RASAL3: variants seen among roughly 807,000 people sequenced by gnomAD.
RASAL3 encodes the protein RAS protein activator like 3, also known as RAS protein activator like-3.
A neutral mutation model predicts 105.5 loss-of-function variants in RASAL3; 74 were observed. The observed-to-expected ratio is 0.70, with a 90% CI of 0.58 to 0.85. The LOEUF is 0.85. Ranked by LOEUF, RASAL3 falls within the 40% of genes least tolerant of loss-of-function variation. RASAL3 has a pLI of 0.00. For synonymous variants in RASAL3, 579 were observed against 591.6 expected (o/e 0.98, Z 0.31); for missense variants, 1,352 against 1,392.0 (o/e 0.97, Z 0.46).
At chr19:15,460,332 A>G (rs1043356844) in intron 5 of RASAL3, 74 bp from the exon 6 acceptor site, 14 of 1,436,378 alleles carry the variant, frequency 9.7e-6, no homozygotes, top group African/African-American at 8.5e-5. Context: ...AAGACATCCC[A>G]GAGGATCTAC....
intron 1 of RASAL3, 63 bp downstream of exon 1, chr19:15,464,442 C>T: frequency 7.6e-7 from 1 of 1,313,244 alleles, no homozygotes. Context: ...ATCTCGGCCC[C>T]CTCCCCACCC....
chr19:15,463,945 T>C, intron 2 of RASAL3, 86 bp downstream of exon 2: 1 of 1,255,798 alleles, frequency 8.0e-7, no homozygotes, highest in Non-Finnish European at 1.1e-6. Flanking sequence ...TTCCTGTGTC[T>C]GTATGGTTGA....
At chr19:15,452,394 G>A (rs1970177771) in intron 16 of RASAL3, 1 of 592,894 alleles carries the variant, frequency 1.7e-6, no homozygotes. Context: ...CTCAGTGCCC[G>A]GCCCAGCCAG....
intron 6 of RASAL3, among the ~76,000 whole-genome samples, chr19:15,459,752 G>A (rs1448786539): frequency 6.6e-6 from 1 of 152,136 alleles, no homozygotes; most frequent in Non-Finnish European, 1.5e-5. Context: ...GCCCAGGCTG[G>A]TCTCGAACTC....
Position 15,461,542 on chromosome 19 carries a change from C to A in RASAL3, c.394G>T (p.Val132Leu). 6.5e-7 allele frequency: 1 copy of A among 1,535,858 alleles called. No individual in the cohort carries two copies. Among genetic ancestry groups the A allele is most frequent in the Non-Finnish European group, 8.7e-7 (1 of 1,144,282 alleles). Residue 132 changes from valine (V) to leucine (L), a missense_variant, in exon 3 of 18, where the codon GTG becomes TTG. Val to Leu is a conservative substitution (Grantham distance 32). Around this residue, in one of 3 missense-constraint regions of RASAL3, gnomAD observed 344 missense variants for 339.6 expected, o/e 1.01. Coordinates refer to ENST00000343625, the MANE Select transcript of RASAL3 (RefSeq NM_022904.3). ...AAGCCCCCAATGTCCCAGACAGGCA[C>A]GTTGGGTGTGGGGGCCTCAGGGATC... ...PQIPEAPTPNVPVWDIGGFTL... is the reference protein window; with the variant it reads ...PQIPEAPTPNLPVWDIGGFTL...
In RASAL3 at chr19:15,452,693, G is replaced by A; in HGVS notation, c.2793C>T (p.Gly931=). 1 of 1,551,612 alleles carries A rather than the reference G, an allele frequency of 6.4e-7. No individual in the cohort carries two copies. Among genetic ancestry groups the A allele is most frequent in the Non-Finnish European group, 8.7e-7 (1 of 1,147,448 alleles). Residue 931 remains glycine, a synonymous_variant, in exon 16 of 18, where the codon GGC becomes GGT. Coordinates refer to ENST00000343625, the MANE Select transcript of RASAL3 (RefSeq NM_022904.3). The part of the protein sequence containing the change: ...ALTEQQEQLR[G]QLQDLDSRLR... Reference sequence around the variant, plus strand: ...GCCTGGAGTCCAGATCCTGCAGCTGGCCCCGCAGCTGCTCCTGCTGCTCCG... The same window carrying A: ...GCCTGGAGTCCAGATCCTGCAGCTGACCCCGCAGCTGCTCCTGCTGCTCCG...
In RASAL3 at chr19:15,464,177, G is replaced by A. The variant is rs755529689; in HGVS notation, c.182C>T (p.Pro61Leu). The change falls in exon 2 of 18, where the codon CCA (proline) becomes CTA (leucine). Residue 61 changes from proline (P) to leucine (L), a missense_variant. Pro to Leu is a moderately conservative substitution (Grantham distance 98). Transcript: ENST00000343625. ...SHQEPMVSTQ[P>L]APRSIFRRVL... ...CCGACGGAATATCGAGCGAGGGGCTGGCTGGGTGCTGACCATGGGCTCCTG... is the reference window on the plus strand; with the variant it reads ...CCGACGGAATATCGAGCGAGGGGCTAGCTGGGTGCTGACCATGGGCTCCTG... 6.2e-6 allele frequency: 10 copies of A among 1,612,946 alleles called. No individual in the cohort carries two copies. The highest frequency in any genetic ancestry group is 7.6e-6 in the Non-Finnish European group (9 of 1,179,690).
Position 15,456,990 on chromosome 19 carries a change from T to C in RASAL3, c.1431+302A>G. On this transcript the variant is annotated intron_variant, in intron 9 of 17. Transcript: ENST00000343625. This position sits in a 1 kb window ranked among gnomAD's most constrained non-coding sequence, Gnocchi z 4.4. ...CACAGCTGAAGCTCAGGCCCAGTCC[T>C]TCAAGGTGCCCCGCCCCTTACAGGT... 1 of 441,460 alleles carries C rather than the reference T, an allele frequency of 2.3e-6. No individual in the cohort carries two copies. The highest frequency in any genetic ancestry group is 3.3e-5 in the South Asian group (1 of 30,664). The allele number at this position is 441,460 out of a possible 1,614,324, so 27.3% of individuals were successfully genotyped here. A position where few individuals can be genotyped will look rare whatever the true frequency, so the allele number is the denominator to read the frequency against.
intron 6 of RASAL3, among the ~76,000 whole-genome samples, chr19:15,458,985 C>T (rs138239138): frequency 1.1e-4 from 16 of 152,140 alleles, no homozygotes; most frequent in Middle Eastern, 3.4e-3. Context: ...TTGTTTAGTG[C>T]GGTGGCTGGA....
intron 15 of RASAL3, 62 bp from the exon 16 acceptor site, chr19:15,452,877 C>A (rs750763680): frequency 6.8e-7 from 1 of 1,479,438 alleles, no homozygotes; most frequent in Non-Finnish European, 9.0e-7. Context: ...CCCCGGAGAC[C>A]CTGACCTCCC....
In RASAL3 at chr19:15,460,277, C is replaced by T. The variant is rs778089027; in HGVS notation, c.607-19G>A. 2.8e-5 allele frequency: 45 copies of T among 1,599,820 alleles called. No homozygotes were observed. Among genetic ancestry groups the T allele is most frequent in the Admixed American group, 1.9e-4 (11 of 58,362 alleles). ...GCAACCCCTGTGGGGAAGGGAATGT[C>T]AGCTGGACAGAAATCTGTGCTCCTT... is the stretch of plus-strand genomic sequence containing the variant. On this transcript the variant is annotated intron_variant, in intron 5 of 17. Transcript: ENST00000343625.
rs757167959 is a variant in RASAL3, at chr19:15,458,648, T to TG, written c.669dup (p.Ser224GlnfsTer6). On this transcript the variant is annotated frameshift_variant, in exon 7 of 18. Coordinates refer to ENST00000343625, the MANE Select transcript of RASAL3 (RefSeq NM_022904.3). LOFTEE classifies it high-confidence loss of function. ...AGCGACTCCCTAGAGCCCAGAGCAC[T>TG]GGGGGGTCTGGGAAGGGGGTGGGTG... is the stretch of plus-strand genomic sequence containing the variant. 6 of 1,612,786 alleles carry TG rather than the reference T, an allele frequency of 3.7e-6. No individual in the cohort carries two copies. Among genetic ancestry groups the TG allele is most frequent in the East Asian group, 2.2e-5 (1 of 44,858 alleles).
Position 15,454,887 on chromosome 19 carries a change from G to A in RASAL3, c.1728C>T (p.Phe576=), listed in dbSNP as rs1400134223. The part of the protein sequence containing the change: ...FETIIHSYDW[F]PAELGIVFSS... ...AGAACACGATGCCCAGCTCCGCAGG[G>A]AACCAGCTGGTGCAGAAGAGGCAAT... Residue 576 remains phenylalanine (F), a synonymous_variant, in exon 12 of 18, where the codon TTC becomes TTT. Coordinates refer to ENST00000343625, the MANE Select transcript of RASAL3 (RefSeq NM_022904.3). 1 of 1,553,536 alleles carries A rather than the reference G, an allele frequency of 6.4e-7. No individual in the cohort carries two copies. The highest frequency in any genetic ancestry group is 1.9e-5 in the Admixed American group (1 of 51,394).
In RASAL3 at chr19:15,461,349, G is replaced by GGAT. The variant is rs1970503492; in HGVS notation, c.466-54_466-53insATC. On this transcript the variant is annotated intron_variant, in intron 3 of 17. Transcript: ENST00000343625. ...GAGAGGGGAGGCAGGCAGGCAGGCA[G>GGAT]GCAGGCAGACCGAGGGAGAGGCAGA... 1.5e-5 allele frequency: 23 copies of GGAT among 1,580,428 alleles called. No individual in the cohort carries two copies. The African/African-American group carries it at 2.3e-4, about 16-fold the overall frequency.
intron 3 of RASAL3, 80 bp from the exon 4 acceptor site, chr19:15,461,376 A>G (rs1029104947): frequency 6.6e-7 from 1 of 1,523,850 alleles, no homozygotes; most frequent in Non-Finnish European, 8.9e-7. Context: ...AGAGGCAGAC[A>G]CCTTCCCATT....
At chr19:15,454,017 A>T in intron 14 of RASAL3, 132 bp downstream of exon 14, 1 of 684,442 alleles carries the variant, frequency 1.5e-6, no homozygotes, top group Non-Finnish European at 2.5e-6. Flanking sequence ...AACCCTTTCT[A>T]TAACCTGTGA....
Position 15,460,247 on chromosome 19 carries a change from C to G in RASAL3, c.618G>C (p.Lys206Asn). ...TGGCCTTTTTCTTCTCTTTCAGCCT[C>G]TTGAGCAACCCCTGTGGGGAAGGGA... ...NQVHNVRGLL[K>N]RLKEKKKARL... is the part of the protein sequence containing the mutation. The change falls in exon 6 of 18, where the codon AAG becomes AAC. Residue 206 changes from lysine (K) to asparagine (N), a missense_variant. Transcript: ENST00000343625. 6.2e-7 allele frequency: 1 copy of G among 1,608,598 alleles called. No individual in the cohort carries two copies. The highest frequency in any genetic ancestry group is 8.5e-7 in the Non-Finnish European group (1 of 1,177,584).
At position 15,453,210 on chromosome 19, in the gene RASAL3, TC is replaced by T; in HGVS notation, c.2566del (p.Asp856ThrfsTer33). On this transcript the variant is annotated frameshift_variant, in exon 15 of 18. Transcript: ENST00000343625. LOFTEE classifies it high-confidence loss of function. The surrounding 1 kb of genome is among the most constrained non-coding windows in gnomAD (Gnocchi z 4.2). ...CGGCTTCCGAGGCAGCGAGGCGGAG[TC>T]CCGGGTCCAAGGCCGGGCGCGGGGC... ...PAPRARPWTR[D>X]SASLPRKPSV... is the part of the protein sequence containing the mutation. 6.2e-7 allele frequency: 1 copy of T among 1,609,410 alleles called. No individual in the cohort carries two copies. Among genetic ancestry groups the T allele is most frequent in the Non-Finnish European group, 8.5e-7 (1 of 1,178,396 alleles).
At chr19:15,452,616 G>A (rs1970190875) in intron 16 of RASAL3, 42 bp downstream of exon 16, 1 of 1,462,436 alleles carries the variant, frequency 6.8e-7, no homozygotes, top group African/African-American at 1.4e-5. Flanking sequence ...AATTGGATCG[G>A]GCCCACCTGG....
Sources: allele counts gnomAD v4.1 joint callset (sites outside exome capture counted in the v4.1 genomes callset), GRCh38; gene constraint gnomAD v4.1.1; regional missense constraint gnomAD v4.1.1; non-coding constraint Gnocchi (gnomAD v3.1); transcripts MANE v1.5; gene names NCBI Gene and HGNC (gene_info 2026-07-23, HGNC 2026-07-21).